Variants in PTPRD observed in about 807,000 individuals in gnomAD.
PTPRD encodes the protein protein tyrosine phosphatase receptor type D.
Under a neutral mutation model 214.5 loss-of-function variants are expected in PTPRD, and 34 were observed. The ratio of observed to expected loss-of-function variants is 0.16; its 90% confidence interval spans 0.12 to 0.21. PTPRD has a LOEUF of 0.21. Ranked by LOEUF, PTPRD falls within the 10% of genes least tolerant of loss-of-function variation. The pLI, the probability that PTPRD is intolerant of heterozygous loss-of-function variation, is 1.00. For synonymous variants in PTPRD, 1,128 were observed against 845.7 expected, an observed-to-expected ratio of 1.33 and a Z score of -5.79; for missense variants, 2,545 against 2,398.7, an observed-to-expected ratio of 1.06 and a Z score of -1.27.
chr9:8,559,387 TA>T (rs570381443), intron 14 of PTPRD, among the ~76,000 whole-genome samples: 10 of 152,332 alleles, frequency 6.6e-5, no homozygotes, highest in South Asian at 2.1e-4. Context: ...TATATCAATT[TA>T]AAAATTCAAA....
chr9:10,130,860 T>C (rs1227273584), intron 3 of PTPRD, among the ~76,000 whole-genome samples: 1 of 152,144 alleles, frequency 6.6e-6, no homozygotes. Context: ...TGAAGTGACC[T>C]GGGAAACAAG....
At position 9,251,222 on chromosome 9, in the gene PTPRD, T is replaced by C. The variant is rs199563655; in HGVS notation, c.-202-67859A>G. Among the ~76,000 whole-genome samples, 16 of 152,164 alleles carry C rather than the reference T, an allele frequency of 1.1e-4. No individual in the cohort carries two copies. The East Asian group carries it at 2.9e-3, about 28-fold the overall frequency. Reference sequence around the variant, plus strand: ...GGTTCCATTTTGGATCCAAGCCAGGTTGCCTTGCTGAGCATCATTGTGAGA... The same window carrying C: ...GGTTCCATTTTGGATCCAAGCCAGGCTGCCTTGCTGAGCATCATTGTGAGA... On this transcript the variant is annotated intron_variant, in intron 9 of 45. Coordinates refer to ENST00000381196, the MANE Select transcript of PTPRD (RefSeq NM_002839.4).
intron 4 of PTPRD, among the ~76,000 whole-genome samples, chr9:9,966,659 G>A (rs556488634): frequency 1.5e-4 from 23 of 152,230 alleles, no homozygotes; most frequent in African/African-American, 5.3e-4. Flanking sequence ...AGTCATGAAT[G>A]GGGAGAAGTG....
intron 2 of PTPRD, among the ~76,000 whole-genome samples, chr9:10,519,121 GA>G (rs1393780864): frequency 6.6e-6 from 1 of 151,706 alleles, no homozygotes; most frequent in Non-Finnish European, 1.5e-5. Flanking sequence ...TTCATATGGT[GA>G]AAACAGTTAG....
chr9:10,296,028 A>T (rs1396163025), intron 3 of PTPRD, among the ~76,000 whole-genome samples: 1 of 152,112 alleles, frequency 6.6e-6, no homozygotes, highest in Non-Finnish European at 1.5e-5. Flanking sequence ...CCACATGGCA[A>T]CATAATTACA....
intron 12 of PTPRD, among the ~76,000 whole-genome samples, chr9:8,706,243 T>G (rs1187113004): frequency 6.6e-6 from 1 of 152,226 alleles, no homozygotes; most frequent in Admixed American, 6.5e-5. Flanking sequence ...CGGAAGTTCT[T>G]CTGAAATTAG....
At chr9:9,745,291 C>A (rs552773216) in intron 6 of PTPRD, among the ~76,000 whole-genome samples, 2 of 152,146 alleles carry the variant, frequency 1.3e-5, no homozygotes, top group South Asian at 4.1e-4. Flanking sequence ...GTGGACTATG[C>A]TAAATATGAA....
chr9:9,705,196 G>T (rs987713217), intron 7 of PTPRD, among the ~76,000 whole-genome samples: 3 of 152,126 alleles, frequency 2.0e-5, no homozygotes, highest in African/African-American at 7.2e-5. Context: ...GCATATGACA[G>T]ATAATATTTC....
chr9:9,856,544 A>G (rs12004509), intron 5 of PTPRD, among the ~76,000 whole-genome samples: 15,234 of 152,130 alleles, frequency 0.1, 816 homozygotes, highest in South Asian at 0.19. Context: ...GAGTAAAGCC[A>G]AAAGACAGGA....
chr9:8,507,143 G>C (rs1314900129), intron 22 of PTPRD, among the ~76,000 whole-genome samples, 158 bp downstream of exon 22: 3 of 151,794 alleles, frequency 2.0e-5, no homozygotes, highest in Admixed American at 2.0e-4. Flanking sequence ...GGTTTTTCTT[G>C]GGGGGGAGGG....
At chr9:8,733,681 C>T in intron 12 of PTPRD, 99 bp downstream of exon 12, 2 of 1,262,864 alleles carry the variant, frequency 1.6e-6, no homozygotes, top group South Asian at 2.6e-5. Context: ...GGATTTACTT[C>T]CAAAGGAAAT....
At chr9:9,626,848 A>G (rs562265840) in intron 7 of PTPRD, among the ~76,000 whole-genome samples, 1 of 152,296 alleles carries the variant, frequency 6.6e-6, no homozygotes, top group Non-Finnish European at 1.5e-5. Flanking sequence ...TTTCTCACCA[A>G]CATAACAGAC....
At chr9:9,786,010 C>G (rs1162766205) in intron 5 of PTPRD, among the ~76,000 whole-genome samples, 1 of 152,096 alleles carries the variant, frequency 6.6e-6, no homozygotes, top group Non-Finnish European at 1.5e-5. Flanking sequence ...ATTCACTATC[C>G]TGGTTTTTTC....
Position 10,047,337 on chromosome 9 carries a change from T to TGTGTGTGTGTGTGTGCGC in PTPRD, c.-544-13548_-544-13547insGCGCACACACACACACAC, listed in dbSNP as rs1491445418. 1.8e-3 allele frequency among the ~76,000 whole-genome samples: 255 copies of TGTGTGTGTGTGTGTGCGC among 144,246 alleles called. 1 individual carries two copies. Among genetic ancestry groups the TGTGTGTGTGTGTGTGCGC allele is most frequent in the Non-Finnish European group, 2.8e-3 (179 of 64,428 alleles). 94.6% of individuals were successfully genotyped at this position (144,246 alleles called of 152,430 possible). A position where few individuals can be genotyped will look rare whatever the true frequency, so the allele number is the denominator to read the frequency against. On this transcript the variant is annotated intron_variant, in intron 3 of 45. Coordinates refer to ENST00000381196, the MANE Select transcript of PTPRD (RefSeq NM_002839.4). ...CTGTGTGTGTGTGTGTGTGTGTGTG[T>TGTGTGTGTGTGTGTGCGC]GCGTGTGTGTGTGTGCTTGTGTGAT...
chr9:9,387,554 C>T (rs1178620773), intron 9 of PTPRD, among the ~76,000 whole-genome samples: 1 of 152,130 alleles, frequency 6.6e-6, no homozygotes, highest in Non-Finnish European at 1.5e-5. Context: ...AAAATTCCCT[C>T]CTCTGCTTTT....
At chr9:9,087,057 A>G (rs956034408) in intron 10 of PTPRD, among the ~76,000 whole-genome samples, 1 of 152,348 alleles carries the variant, frequency 6.6e-6, no homozygotes, top group East Asian at 1.9e-4. Flanking sequence ...TCTTGCTCCT[A>G]GAAAAGCAAA....
intron 3 of PTPRD, among the ~76,000 whole-genome samples, chr9:10,124,697 TTTAA>T (rs2098802259): frequency 6.6e-6 from 1 of 151,398 alleles, no homozygotes; most frequent in Non-Finnish European, 1.5e-5. Flanking sequence ...ATTATTATTG[TTTAA>T]TTATTATTGT....
intron 7 of PTPRD, among the ~76,000 whole-genome samples, chr9:9,654,591 C>T (rs556575078): frequency 2.6e-5 from 4 of 152,072 alleles, no homozygotes; most frequent in Non-Finnish European, 4.4e-5. Flanking sequence ...ACGTAAAACA[C>T]TTTCATTTAA....
intron 39 of PTPRD, among the ~76,000 whole-genome samples, chr9:8,363,242 T>C (rs914288273): frequency 1.3e-5 from 2 of 152,200 alleles, no homozygotes; most frequent in Admixed American, 6.5e-5. Context: ...ACTCTTAGCT[T>C]GGAGGACAGT....
Sources: allele counts gnomAD v4.1 joint callset (sites outside exome capture counted in the v4.1 genomes callset), GRCh38; gene constraint gnomAD v4.1.1; transcripts MANE v1.5; gene names NCBI Gene and HGNC (gene_info 2026-07-23, HGNC 2026-07-21).